Variants in ATAD1 observed in about 807,000 individuals in gnomAD.
ATAD1 encodes the protein ATPase family AAA domain containing 1.
ATAD1 carries 18 observed loss-of-function variants against 42.7 expected under a neutral mutation model. The ratio of observed to expected loss-of-function variants is 0.42; its 90% CI spans 0.29 to 0.63. The LOEUF (loss-of-function observed/expected upper bound fraction) is 0.63. Ranked by LOEUF, ATAD1 falls within the 20% of genes least tolerant of loss-of-function variation. The pLI is 0.19. For missense variants in ATAD1, 294 were observed against 440.4 expected, an observed-to-expected ratio of 0.67 and a Z score of 2.98; for synonymous variants, 132 against 143.1, an observed-to-expected ratio of 0.92 and a Z score of 0.55.
At chr10:87,799,951 A>T (rs1009269702) in intron 2 of ATAD1, among the ~76,000 whole-genome samples, 5 of 151,928 alleles carry the variant, frequency 3.3e-5, no homozygotes, top group Non-Finnish European at 5.9e-5. Context: ...AAGCTTAAAA[A>T]GAAATAATGA....
At chr10:87,794,219 T>A (rs187371724) in intron 2 of ATAD1, among the ~76,000 whole-genome samples, 3 of 152,234 alleles carry the variant, frequency 2.0e-5, no homozygotes, top group East Asian at 3.9e-4. Flanking sequence ...TCTTGTCTCA[T>A]AAGAATTTTT....
intron 2 of ATAD1, among the ~76,000 whole-genome samples, chr10:87,797,995 T>C (rs1856481141): frequency 1.3e-5 from 2 of 152,160 alleles, no homozygotes; most frequent in Non-Finnish European, 2.9e-5. Flanking sequence ...GGGGGCCTAA[T>C]GGGAGTGTAC....
rs1855004753 is a variant in ATAD1, at chr10:87,771,009, C to T, written c.723G>A (p.Gln241=). The change falls in exon 7 of 10, where the codon CAG becomes CAA. Residue 241 remains glutamine, a synonymous_variant. Coordinates refer to ENST00000680024, the MANE Select transcript of ATAD1 (RefSeq NM_001321967.2). ...VIVMGATNRP[Q]DLDSAIMRRM... is the part of the protein sequence containing the mutation. ...TTCTCATTATAGCCGAGTCAAGGTCCTGAGGACGATTGGTAGCTCCCATTA... is the reference window on the plus strand; with the variant it reads ...TTCTCATTATAGCCGAGTCAAGGTCTTGAGGACGATTGGTAGCTCCCATTA... The T allele has an allele frequency of 6.2e-7, 1 of 1,613,436 alleles. No homozygotes were observed. The highest frequency in any genetic ancestry group is 8.5e-7 in the Non-Finnish European group (1 of 1,179,644).
At chr10:87,817,700 T>G in intron 1 of ATAD1, 1 of 982,880 alleles carries the variant, frequency 1.0e-6, no homozygotes, top group Non-Finnish European at 1.2e-6. Context: ...CAGGTTATTA[T>G]TAACATCACC....
At chr10:87,789,037 T>A (rs765220731) in intron 4 of ATAD1, among the ~76,000 whole-genome samples, 4 of 152,194 alleles carry the variant, frequency 2.6e-5, no homozygotes, top group Non-Finnish European at 5.9e-5. Flanking sequence ...ATCCTCCACT[T>A]ACCAGAAACA....
intron 2 of ATAD1, among the ~76,000 whole-genome samples, chr10:87,794,309 AATAG>A (rs979257727): frequency 6.6e-6 from 1 of 152,202 alleles, no homozygotes; most frequent in Non-Finnish European, 1.5e-5. Flanking sequence ...TCACTGAATC[AATAG>A]ATAATCTTTT....
chr10:87,758,082 G>T (rs1297212901), intron 8 of ATAD1, among the ~76,000 whole-genome samples: 1 of 152,150 alleles, frequency 6.6e-6, no homozygotes, highest in Non-Finnish European at 1.5e-5. Flanking sequence ...AGTAATAATA[G>T]TTATTATAGT....
At chr10:87,800,531 A>G (rs117185002) in intron 2 of ATAD1, among the ~76,000 whole-genome samples, 3 of 152,268 alleles carry the variant, frequency 2.0e-5, no homozygotes, top group East Asian at 1.9e-4. Context: ...TAACTGGTCT[A>G]ACATATTTTA....
chr10:87,809,894 C>T (rs974350957), intron 2 of ATAD1, among the ~76,000 whole-genome samples: 1 of 152,162 alleles, frequency 6.6e-6, no homozygotes, highest in South Asian at 2.1e-4. Context: ...GATCTACCTG[C>T]CTCAGACTCT....
rs765319610 is a variant in ATAD1 at position 87,770,961 on chromosome 10, G to A, written c.771C>T (p.Ile257=). 2 of 1,613,080 alleles carry A rather than the reference G, an allele frequency of 1.2e-6. No individual in the cohort carries two copies. Among genetic ancestry groups the A allele is most frequent in the Non-Finnish European group, 8.5e-7 (1 of 1,179,372 alleles). ...AATCAAGACCACCTACAGGCTGGTT[G>A]ATATGAAATCTTGTAGGCATTCTTC... ...IMRRMPTRFH[I]NQPALKQREA... Residue 257 remains isoleucine, a synonymous_variant, in exon 7 of 10, where the codon ATC becomes ATT. Coordinates refer to ENST00000680024, the MANE Select transcript of ATAD1 (RefSeq NM_001321967.2).
chr10:87,795,366 AATT>A (rs758160870), intron 2 of ATAD1, among the ~76,000 whole-genome samples: 3 of 152,040 alleles, frequency 2.0e-5, no homozygotes, highest in Non-Finnish European at 4.4e-5. Flanking sequence ...AGAAAAACAA[AATT>A]ATGATTGGAC....
rs1326810949 is a variant in ATAD1 at position 87,756,881 on chromosome 10, A to G, written c.873T>C (p.Thr291=). The G allele has an allele frequency of 1.9e-6, 3 of 1,612,594 alleles. No homozygotes were observed. The highest frequency in any genetic ancestry group is 3.3e-5 in the Admixed American group (2 of 59,824). The change falls in exon 9 of 10, where the codon ACT becomes ACC. Residue 291 remains threonine (T), a synonymous_variant. Transcript: ENST00000680024. Reference sequence around the variant, plus strand: ...TTAGGTCACTTCCTGAAAACCCATCAGTTTCCTGGGCAACTTCTAGCAGGT... The same window carrying G: ...TTAGGTCACTTCCTGAAAACCCATCGGTTTCCTGGGCAACTTCTAGCAGGT... ...HVDLLEVAQE[T]DGFSGSDLKE... is the part of the protein sequence containing the mutation.
chr10:87,798,433 G>A (rs1171296349), intron 2 of ATAD1, among the ~76,000 whole-genome samples: 2 of 152,082 alleles, frequency 1.3e-5, no homozygotes, highest in East Asian at 1.9e-4. Context: ...CCCTAAGGTC[G>A]ACCTACAAAC....
chr10:87,796,073 T>C (rs1403692532), intron 2 of ATAD1, among the ~76,000 whole-genome samples: 1 of 152,208 alleles, frequency 6.6e-6, no homozygotes, highest in Non-Finnish European at 1.5e-5. Context: ...CTTTATATAA[T>C]AGATATAATC....
intron 2 of ATAD1, among the ~76,000 whole-genome samples, chr10:87,814,111 G>C (rs769473434): frequency 1.4e-4 from 21 of 152,064 alleles, no homozygotes; most frequent in Non-Finnish European, 2.6e-4. Context: ...TATCATTACT[G>C]AAGATAAATA....
chr10:87,767,788 G>A (rs536634151), intron 7 of ATAD1, 65 bp from the exon 8 acceptor site: 2 of 1,463,258 alleles, frequency 1.4e-6, no homozygotes, highest in African/African-American at 1.4e-5. Flanking sequence ...ATCAAGTAGT[G>A]TTCCTAATAT....
At chr10:87,800,037 C>T (rs1050592078) in intron 2 of ATAD1, among the ~76,000 whole-genome samples, 1 of 150,754 alleles carries the variant, frequency 6.6e-6, no homozygotes, top group Admixed American at 6.6e-5. Context: ...GGACAAACCA[C>T]AGAGTCCAAG....
intron 5 of ATAD1, among the ~76,000 whole-genome samples, chr10:87,782,410 A>T (rs991459105): frequency 6.6e-6 from 1 of 152,214 alleles, no homozygotes; most frequent in Non-Finnish European, 1.5e-5. Flanking sequence ...GTGAGCAAAA[A>T]ACCTAGCAAA....
At chr10:87,782,554 T>C (rs1278454832) in intron 5 of ATAD1, among the ~76,000 whole-genome samples, 1 of 152,220 alleles carries the variant, frequency 6.6e-6, no homozygotes, top group Non-Finnish European at 1.5e-5. Flanking sequence ...TCTCTGTGAA[T>C]TATTTGGAAG....
Sources: allele counts gnomAD v4.1 joint callset (sites outside exome capture counted in the v4.1 genomes callset), GRCh38; gene constraint gnomAD v4.1.1; transcripts MANE v1.5; gene names NCBI Gene and HGNC (gene_info 2026-07-23, HGNC 2026-07-21).